UBE4A: variants seen among roughly 807,000 people sequenced by gnomAD.
The protein encoded by UBE4A is ubiquitination factor E4A, also known as ubiquitin conjugation factor E4 A.
In UBE4A, 48 loss-of-function variants were observed where a neutral mutation model predicts 117.9. The ratio of observed to expected loss-of-function variants is 0.41; its 90% CI spans 0.32 to 0.52. UBE4A has a LOEUF of 0.52. Among genes scored for constraint, UBE4A ranks in the 20% least tolerant of loss-of-function variants. UBE4A has a pLI of 0.33. For missense variants in UBE4A, 1,067 were observed against 1,296.3 expected (o/e 0.82, Z 2.72); for synonymous variants, 407 against 450.0 (o/e 0.90, Z 1.21).
intron 2 of UBE4A, among the ~76,000 whole-genome samples, chr11:118,367,626 C>T (rs1371063581): frequency 4.6e-5 from 7 of 151,460 alleles, no homozygotes; most frequent in South Asian, 4.2e-4. Flanking sequence ...CTCAGCCTCC[C>T]GAGTAGCTGG....
rs1473104524 is a variant in UBE4A at position 118,386,464 on chromosome 11, A to G, written c.2439A>G (p.Gln813=). 5 of 1,606,622 alleles carry G rather than the reference A, an allele frequency of 3.1e-6. No individual in the cohort carries two copies. Among genetic ancestry groups the G allele is most frequent in the East Asian group, 2.3e-5 (1 of 44,390 alleles). Residue 813 remains glutamine, a synonymous_variant, in exon 16 of 20, where the codon CAA becomes CAG. Coordinates refer to ENST00000252108, the MANE Select transcript of UBE4A (RefSeq NM_001204077.2). ...IQYLSKIKIQ[Q]IEKDRGEWDS... Reference sequence around the variant, plus strand: ...ATTTGAGCAAGATAAAGATTCAGCAAATTGAGAAGGATCGAGGTGAATGGG... The same window carrying G: ...ATTTGAGCAAGATAAAGATTCAGCAGATTGAGAAGGATCGAGGTGAATGGG...
chr11:118,381,328 TG>T, intron 11 of UBE4A, 62 bp from the exon 12 acceptor site: 3 of 1,569,602 alleles, frequency 1.9e-6, no homozygotes, highest in Middle Eastern at 1.7e-4. Context: ...GGAATTTAAA[TG>T]TTGTTTATTA....
chr11:118,369,881 C>T (rs537684360), intron 4 of UBE4A, among the ~76,000 whole-genome samples: 1 of 151,974 alleles, frequency 6.6e-6, no homozygotes, highest in Non-Finnish European at 1.5e-5. Flanking sequence ...ATCACGAGGT[C>T]AGGAGATCAA....
chr11:118,366,718 C>T (rs965116323), intron 2 of UBE4A, among the ~76,000 whole-genome samples: 2 of 152,206 alleles, frequency 1.3e-5, no homozygotes, highest in African/African-American at 4.8e-5. Flanking sequence ...GAGAAAAGTA[C>T]ATATAGACTC....
At chr11:118,360,642 ATTTCTG>A (rs1948513171) in intron 1 of UBE4A, among the ~76,000 whole-genome samples, 1 of 152,210 alleles carries the variant, frequency 6.6e-6, no homozygotes. Flanking sequence ...TGTTCCAGAT[ATTTCTG>A]TTGAAAAACA....
At position 118,382,724 on chromosome 11, in the gene UBE4A, A is replaced by G; in HGVS notation, c.2145A>G (p.Ala715=). ...RKRVFCNFQY[A]PQLAEALIKV... ...GTGTGTTCTGCAACTTTCAGTATGC[A>G]CCCCAACTTGCAGAGGCTCTAATCA... Residue 715 remains alanine (A), a synonymous_variant, in exon 13 of 20, where the codon GCA becomes GCG. Coordinates refer to ENST00000252108, the MANE Select transcript of UBE4A (RefSeq NM_001204077.2). 1.2e-6 allele frequency: 2 copies of G among 1,602,648 alleles called. No homozygotes were observed. The highest frequency in any genetic ancestry group is 1.7e-6 in the Non-Finnish European group (2 of 1,173,454).
At chr11:118,389,702 A>C (rs372460995) in intron 16 of UBE4A, 23 bp from the exon 17 acceptor site, 98 of 1,562,550 alleles carry the variant, frequency 6.3e-5, no homozygotes, top group Non-Finnish European at 8.3e-5. Flanking sequence ...TTGAGTTTTC[A>C]GAGACTTTGG....
intron 13 of UBE4A, 59 bp from the exon 14 acceptor site, chr11:118,384,576 A>G: frequency 1.3e-6 from 2 of 1,486,928 alleles, no homozygotes; most frequent in Non-Finnish European, 1.9e-6. Context: ...ACACATAAGC[A>G]TAAACTCTTC....
intron 18 of UBE4A, among the ~76,000 whole-genome samples, chr11:118,391,315 C>T (rs1200296747): frequency 3.3e-5 from 5 of 151,774 alleles, no homozygotes; most frequent in African/African-American, 1.2e-4. Flanking sequence ...ATGGTGAAAC[C>T]CTGTCTCTAC....
rs61900929 is a variant in UBE4A, at chr11:118,374,725, C to T, written c.1117-171C>T. 3.6e-3 allele frequency among the ~76,000 whole-genome samples: 551 copies of T among 152,298 alleles called. 2 individuals carry two copies. The highest frequency in any genetic ancestry group is 5.6e-3 in the Non-Finnish European group (381 of 68,030). ...AGTTGGGCAGCTGATCAGAAAATCT[C>T]TTATAAGTGCCCAGAAATATATTTT... On this transcript the variant is annotated intron_variant, in intron 8 of 19. Coordinates refer to ENST00000252108, the MANE Select transcript of UBE4A (RefSeq NM_001204077.2).
Position 118,396,276 on chromosome 11 carries a change from T to TGGAA in UBE4A, c.3075-37_3075-34dup, listed in dbSNP as rs782366608. The TGGAA allele has an allele frequency of 1.5e-5, 24 of 1,589,268 alleles. 1 individual carries two copies. Among genetic ancestry groups the TGGAA allele is most frequent in the Non-Finnish European group, 1.4e-5 (16 of 1,171,012 alleles). On this transcript the variant is annotated intron_variant, in intron 19 of 19. Transcript: ENST00000252108. ...TTTTGGCTTAGAATGTTAGAACTTA[T>TGGAA]GGAAATAACCCTATTTCCCTTTCTC...
At position 118,376,703 on chromosome 11, in the gene UBE4A, T is replaced by C. The variant is rs368512014; in HGVS notation, c.1571+9T>C. 4.3e-6 allele frequency: 7 copies of C among 1,611,640 alleles called. No individual in the cohort carries two copies. The South Asian group carries it at 7.7e-5, about 18-fold the overall frequency. ...TACTTGGGATTTCACAGGTAACTCC[T>C]CTGATGTCATTAGGAAAAAACAGTT... On this transcript the variant is annotated intron_variant, in intron 10 of 19. Transcript: ENST00000252108.
intron 10 of UBE4A, 93 bp downstream of exon 10, chr11:118,376,787 C>T: frequency 7.0e-7 from 1 of 1,420,474 alleles, no homozygotes. Context: ...CAGTAGCTCA[C>T]ATCTTTAATC....
Position 118,382,789 on chromosome 11 carries a change from T to C in UBE4A, c.2197+13T>C, listed in dbSNP as rs1948717338. The C allele has an allele frequency of 4.5e-6, 7 of 1,555,056 alleles. No homozygotes were observed. Among genetic ancestry groups the C allele is most frequent in the Middle Eastern group, 1.7e-4 (1 of 5,890 alleles). On this transcript the variant is annotated intron_variant, in intron 13 of 19. Coordinates refer to ENST00000252108, the MANE Select transcript of UBE4A (RefSeq NM_001204077.2). ...ATCGAATTTACAGGTAAAGCAGTCA[T>C]GAAGCTGAGCCCAGAACTGGGAAGC...
At chr11:118,369,642 C>T (rs1948593014) in intron 4 of UBE4A, 107 bp downstream of exon 4, 2 of 641,046 alleles carry the variant, frequency 3.1e-6, no homozygotes, top group Non-Finnish European at 5.2e-6. Context: ...GTCCATCCCT[C>T]TCTCTTTTTT....
intron 2 of UBE4A, among the ~76,000 whole-genome samples, chr11:118,366,275 A>G (rs1390874428): frequency 6.6e-6 from 1 of 152,186 alleles, no homozygotes; most frequent in Admixed American, 6.5e-5. Context: ...CTGGTTTAGA[A>G]GATTGTAGGG....
In UBE4A at chr11:118,365,098, T is replaced by A; in HGVS notation, c.18T>A (p.Asn6Lys). Residue 6 changes from asparagine to lysine, a missense_variant, in exon 2 of 20, where the codon AAT becomes AAA. Asn to Lys is a moderately conservative substitution (Grantham distance 94). Transcript: ENST00000252108. The part of the protein sequence containing the change: MTDQE[N>K]NNNISSNPFA... ...AAAGTGAAATGACAGACCAGGAGAATAACAACAACATCTCAAGTAACCCCT... is the reference window on the plus strand; with the variant it reads ...AAAGTGAAATGACAGACCAGGAGAAAAACAACAACATCTCAAGTAACCCCT... The A allele has an allele frequency of 6.2e-7, 1 of 1,614,012 alleles. No individual in the cohort carries two copies. The highest frequency in any genetic ancestry group is 8.5e-7 in the Non-Finnish European group (1 of 1,179,956).
At chr11:118,372,025 C>T (rs965169101) in intron 5 of UBE4A, among the ~76,000 whole-genome samples, 3 of 152,110 alleles carry the variant, frequency 2.0e-5, no homozygotes, top group African/African-American at 2.4e-5. Flanking sequence ...TTTGGGAGGC[C>T]GATGCAGGCG....
intron 18 of UBE4A, among the ~76,000 whole-genome samples, chr11:118,391,950 A>C (rs1453898727): frequency 6.6e-6 from 1 of 152,194 alleles, no homozygotes; most frequent in Admixed American, 6.5e-5. Flanking sequence ...GAAAAAAAAA[A>C]AGATGAGTAG....
Sources: allele counts gnomAD v4.1 joint callset (sites outside exome capture counted in the v4.1 genomes callset), GRCh38; gene constraint gnomAD v4.1.1; transcripts MANE v1.5; gene names NCBI Gene and HGNC (gene_info 2026-07-23, HGNC 2026-07-21).